TRIML2: variants seen among roughly 807,000 people sequenced by gnomAD.
The protein encoded by TRIML2 is probable E3 ubiquitin-protein ligase TRIML2.
Under a neutral mutation model 31.2 loss-of-function variants are expected in TRIML2, and 28 were observed. That is an observed-to-expected ratio of 0.90 (90% CI 0.66 to 1.23). The LOEUF (loss-of-function observed/expected upper bound fraction) is 1.23. TRIML2 is among the 50% of genes most tolerant of loss of function. The pLI, the probability that TRIML2 is intolerant of heterozygous loss-of-function variation, is 0.00. For missense variants in TRIML2, 536 were observed against 528.3 expected, an observed-to-expected ratio of 1.01 and a Z score of -0.14; for synonymous variants, 187 against 197.5, an observed-to-expected ratio of 0.95 and a Z score of 0.45.
chr4:188,092,964 CTG>C (rs1733333385), intron 7 of TRIML2: 1 of 436,434 alleles, frequency 2.3e-6, no homozygotes, highest in Non-Finnish European at 4.6e-6. Flanking sequence ...CCCCAGGTAA[CTG>C]TGCATAGCTT....
At position 188,105,428 on chromosome 4, in the gene TRIML2, C is replaced by A; in HGVS notation, c.-60G>T. On this transcript the variant is annotated 5_prime_UTR_variant, in exon 2 of 8. Coordinates refer to ENST00000682553, the MANE Select transcript of TRIML2 (RefSeq NM_173553.4). ...ATGCTTCTACTGAGGTATCTCCCTG[C>A]ACTGTGAATGAGAAAAAATGGTGGC... The A allele has an allele frequency of 7.8e-7, 1 of 1,280,896 alleles. No homozygotes were observed. The highest frequency in any genetic ancestry group is 1.0e-6 in the Non-Finnish European group (1 of 963,736). 79.3% of individuals were successfully genotyped at this position (1,280,896 alleles called of 1,614,324 possible).
In TRIML2 at chr4:188,109,320, A is replaced by G. The variant is rs1734150113; in HGVS notation, c.-300T>C. The G allele has an allele frequency of 2.7e-5, 3 of 111,104 alleles. No individual in the cohort carries two copies. Among genetic ancestry groups the G allele is most frequent in the Admixed American group, 1.4e-4 (1 of 6,936 alleles). 6.9% of individuals were successfully genotyped at this position (111,104 alleles called of 1,614,324 possible). A position where few individuals can be genotyped will look rare whatever the true frequency, so the allele number is the denominator to read the frequency against. The stretch of plus-strand genomic sequence containing the variant: ...GAGACAGGGTCTTGCTCTGTCACCC[A>G]GGCTGGAATGCAGTGGCGCAATCTC... On this transcript the variant is annotated 5_prime_UTR_variant, in exon 1 of 8. Coordinates refer to ENST00000682553, the MANE Select transcript of TRIML2 (RefSeq NM_173553.4).
At chr4:188,106,315 T>A (rs563401123) in intron 1 of TRIML2, among the ~76,000 whole-genome samples, 4 of 152,134 alleles carry the variant, frequency 2.6e-5, no homozygotes, top group Non-Finnish European at 5.9e-5. Flanking sequence ...CCTCCCAAAG[T>A]GCTGGGATTC....
At chr4:188,091,978 C>A in intron 7 of TRIML2, 37 bp from the exon 8 acceptor site, 1 of 1,566,010 alleles carries the variant, frequency 6.4e-7, no homozygotes, top group South Asian at 1.2e-5. Flanking sequence ...CCTAGGAGTT[C>A]ACCAATGCCA....
intron 4 of TRIML2, among the ~76,000 whole-genome samples, chr4:188,100,450 C>A (rs530779416): frequency 6.6e-6 from 1 of 152,104 alleles, no homozygotes; most frequent in East Asian, 1.9e-4. Context: ...AGGCCGGGCG[C>A]GGTGGCTCAC....
At chr4:188,098,463 T>C (rs1213207107) in intron 5 of TRIML2, among the ~76,000 whole-genome samples, 3 of 152,134 alleles carry the variant, frequency 2.0e-5, no homozygotes, top group Non-Finnish European at 1.5e-5. Flanking sequence ...TACCATCGCC[T>C]TGGGGGAGAG....
At position 188,105,371 on chromosome 4, in the gene TRIML2, T is replaced by C; in HGVS notation, c.-3A>G. ...TGAGGGCTGAGCCTTTTGGACATCC[T>C]GGTAGGGGTCCCTAGTTGAAGACTG... On this transcript the variant is annotated 5_prime_UTR_variant, in exon 2 of 8. Transcript: ENST00000682553. The C allele has an allele frequency of 6.4e-7, 1 of 1,565,810 alleles. No homozygotes were observed. The highest frequency in any genetic ancestry group is 1.8e-5 in the Admixed American group (1 of 56,774).
intron 1 of TRIML2, among the ~76,000 whole-genome samples, chr4:188,108,346 A>C (rs955924197): frequency 2.6e-5 from 4 of 152,208 alleles, no homozygotes; most frequent in African/African-American, 9.7e-5. Context: ...GCCGCTCAGG[A>C]TCTCAACCCA....
chr4:188,103,680 C>T (rs1733904402), intron 3 of TRIML2, among the ~76,000 whole-genome samples: 1 of 152,154 alleles, frequency 6.6e-6, no homozygotes, highest in Admixed American at 6.5e-5. Context: ...TTTTTTTAAA[C>T]ACTTCCCAGG....
chr4:188,093,034 T>C (rs988414669), intron 7 of TRIML2: 18 of 355,454 alleles, frequency 5.1e-5, no homozygotes, highest in African/African-American at 8.6e-5. Flanking sequence ...TAAATACCAG[T>C]TGGAAAAAAC....
chr4:188,094,755 C>A (rs190335261), intron 7 of TRIML2, among the ~76,000 whole-genome samples: 68 of 152,292 alleles, frequency 4.5e-4, no homozygotes, highest in Non-Finnish European at 3.2e-4. Flanking sequence ...TCCCAGCGGT[C>A]CATTTTGAAG....
chr4:188,104,936 TAGAG>T lies in TRIML2; in HGVS notation c.190-8_190-5del. 6.2e-7 allele frequency: 1 copy of T among 1,611,372 alleles called. No individual in the cohort carries two copies. The highest frequency in any genetic ancestry group is 8.5e-7 in the Non-Finnish European group (1 of 1,177,612). ...TCAATATTTCCTGGAATAACTTCTA[TAGAG>T]AAAGCACAGAATTCCAGGTGAGATC... On this transcript the variant is annotated splice_polypyrimidine_tract_variant and splice_region_variant and intron_variant, in intron 2 of 7. Coordinates refer to ENST00000682553, the MANE Select transcript of TRIML2 (RefSeq NM_173553.4).
chr4:188,106,272 C>G (rs1218550066), intron 1 of TRIML2, among the ~76,000 whole-genome samples: 1 of 152,040 alleles, frequency 6.6e-6, no homozygotes, highest in African/African-American at 2.4e-5. Context: ...AGGATGGTCT[C>G]GATCTCCTGA....
intron 3 of TRIML2, among the ~76,000 whole-genome samples, chr4:188,104,150 A>G (rs1404007786): frequency 2.0e-5 from 3 of 152,176 alleles, no homozygotes. Context: ...TCATTCTCCT[A>G]TGTCATTGTT....
At chr4:188,098,197 A>C (rs1402503589) in intron 5 of TRIML2, 2 of 436,182 alleles carry the variant, frequency 4.6e-6, no homozygotes, top group East Asian at 1.4e-4. Flanking sequence ...AAAATATGCA[A>C]TACTTACCAT....
chr4:188,108,597 G>A (rs190972344), intron 1 of TRIML2, among the ~76,000 whole-genome samples: 1 of 152,164 alleles, frequency 6.6e-6, no homozygotes, highest in East Asian at 1.9e-4. Flanking sequence ...TATACAATCT[G>A]GCCTCCTGCC....
intron 7 of TRIML2, chr4:188,092,645 G>A (rs533973422): frequency 1.1e-4 from 43 of 384,486 alleles, no homozygotes; most frequent in Middle Eastern, 9.4e-4. Context: ...TCCCGATGCC[G>A]TACTCTACAC....
rs2111188488 is a variant in TRIML2 at position 188,104,844 on chromosome 4, A to G, written c.278T>C (p.Met93Thr). 2 of 1,613,674 alleles carry G rather than the reference A, an allele frequency of 1.2e-6. No homozygotes were observed. The highest frequency in any genetic ancestry group is 2.2e-5 in the East Asian group (1 of 44,858). ...AGATAAGCACTCACTGACCTGAATC[A>G]TCGCCATTCTTTCTTGCTCATCAGT... ...ILTDEQERMA[M>T]IQEEEQNFKK... Residue 93 changes from methionine (M) to threonine (T), a missense_variant, in exon 3 of 8, where the codon ATG (methionine) becomes ACG (threonine). Met to Thr is a moderately conservative substitution (Grantham distance 81). Coordinates refer to ENST00000682553, the MANE Select transcript of TRIML2 (RefSeq NM_173553.4).
In TRIML2 at chr4:188,091,726, A is replaced by G. The variant is rs1733267823; in HGVS notation, c.961T>C (p.Tyr321His). The change falls in exon 8 of 8, where the codon TAC (tyrosine) becomes CAC (histidine). Residue 321 changes from tyrosine to histidine, a missense_variant. Coordinates refer to ENST00000682553, the MANE Select transcript of TRIML2 (RefSeq NM_173553.4). ...EKATRWQVGI[Y>H]HGSADAKGST... ...CCCTTCGCGTCTGCAGAGCCGTGGTATATGCCCACTTGCCACCTGGTTGCC... is the reference window on the plus strand; with the variant it reads ...CCCTTCGCGTCTGCAGAGCCGTGGTGTATGCCCACTTGCCACCTGGTTGCC... The G allele has an allele frequency of 1.9e-6, 3 of 1,614,058 alleles. No individual in the cohort carries two copies. The highest frequency in any genetic ancestry group is 2.5e-6 in the Non-Finnish European group (3 of 1,180,018).
Sources: gnomAD v4.1 joint callset for allele counts (sites outside exome capture counted in the v4.1 genomes callset) on GRCh38, gnomAD v4.1.1 for gene constraint, MANE v1.5 for transcripts, NCBI Gene and HGNC (gene_info 2026-07-23, HGNC 2026-07-21) for gene names.